RNF182: variants seen among roughly 807,000 people sequenced by gnomAD.
RNF182 encodes the protein ring finger protein 182.
In RNF182, 15 loss-of-function variants were observed where a neutral mutation model predicts 14.4. The ratio of observed to expected loss-of-function variants is 1.04; its 90% CI spans 0.70 to 1.60. RNF182 has a LOEUF of 1.60. Among genes scored for constraint, RNF182 ranks in the 40% most tolerant of loss-of-function variants. The pLI is 0.00. For synonymous variants in RNF182, 128 were observed against 122.9 expected (o/e 1.04, Z -0.27); for missense variants, 268 against 294.8 (o/e 0.91, Z 0.67).
intron 1 of RNF182, among the ~76,000 whole-genome samples, chr6:13,972,364 A>G (rs1406180425): frequency 1.3e-5 from 2 of 152,118 alleles, no homozygotes; most frequent in Admixed American, 6.5e-5. Context: ...TGACGATGCA[A>G]TAGAAAAGAA....
chr6:13,960,186 A>G lies in RNF182; in HGVS notation c.-366-14024A>G, dbSNP rs532554992. On this transcript the variant is annotated intron_variant, in intron 1 of 2. Transcript: ENST00000488300. ...AGAAAAGGATCCATTTGCCTTTACA[A>G]TCAGCCTCTGCTTTCAGGAACCTTG... Among the ~76,000 whole-genome samples the G allele has an allele frequency of 2.0e-4, 30 of 152,344 alleles. No homozygotes were observed. In the South Asian group the frequency reaches 6.2e-3, roughly 32 times the overall value.
Position 13,949,277 on chromosome 6 carries a change from A to C in RNF182, c.-367+24254A>C. The C allele has an allele frequency of 5.1e-6, 4 of 780,300 alleles. No homozygotes were observed. In the South Asian group the frequency reaches 5.4e-5, roughly 10 times the overall value. The allele number at this position is 780,300 out of a possible 1,614,324, so 48.3% of individuals were successfully genotyped here. Reference sequence around the variant, plus strand: ...AGTTGTTTCCTCTGCTCCCAGACTTACCACATCTGTCAGAAACCTGACATG... The same window carrying C: ...AGTTGTTTCCTCTGCTCCCAGACTTCCCACATCTGTCAGAAACCTGACATG... On this transcript the variant is annotated intron_variant, in intron 1 of 2. Coordinates refer to ENST00000488300, the MANE Select transcript of RNF182 (RefSeq NM_152737.4).
rs1042823821 is a variant in RNF182 at position 13,939,380 on chromosome 6, TAAGTA to T, written c.-367+14359_-367+14363del. 1.2e-4 allele frequency among the ~76,000 whole-genome samples: 19 copies of T among 152,102 alleles called. 1 individual carries two copies. Among genetic ancestry groups the T allele is most frequent in the Middle Eastern group, 6.3e-3 (2 of 316 alleles). The stretch of plus-strand genomic sequence containing the variant: ...TTAATTATGTTGTCTTTAATTTCTC[TAAGTA>T]ATGTTTTGAAGTTCTCTCTGTAGTA... On this transcript the variant is annotated intron_variant, in intron 1 of 2. Transcript: ENST00000488300.
At chr6:13,963,991 A>G (rs753532571) in intron 1 of RNF182, among the ~76,000 whole-genome samples, 3 of 152,266 alleles carry the variant, frequency 2.0e-5, no homozygotes, top group Admixed American at 6.5e-5. Context: ...ATATCATGAA[A>G]AAGTGGGGAA....
intron 1 of RNF182, among the ~76,000 whole-genome samples, chr6:13,930,985 T>C (rs1328383147): frequency 6.6e-6 from 1 of 152,220 alleles, no homozygotes; most frequent in African/African-American, 2.4e-5. Context: ...AAGATGCTTT[T>C]GGGATTATGT....
chr6:13,926,267 C>T (rs961733513), intron 1 of RNF182, among the ~76,000 whole-genome samples: 1 of 152,068 alleles, frequency 6.6e-6, no homozygotes, highest in Admixed American at 6.6e-5. Flanking sequence ...AAAACAGTAC[C>T]ACTGATCATT....
chr6:13,925,066 G>GCCC, intron 1 of RNF182, 43 bp downstream of exon 1: 2 of 302 alleles, frequency 6.6e-3, no homozygotes, highest in Admixed American at 0.026. Flanking sequence ...TCGGCGGGAC[G>GCCC]CCGGGCCTCC....
At chr6:13,969,940 C>T (rs2113643377) in intron 1 of RNF182, among the ~76,000 whole-genome samples, 1 of 152,250 alleles carries the variant, frequency 6.6e-6, no homozygotes, top group East Asian at 1.9e-4. Context: ...TCCTCAGTGT[C>T]TGGTGAGACA....
intron 1 of RNF182, among the ~76,000 whole-genome samples, chr6:13,961,809 G>T (rs1399484434): frequency 6.6e-6 from 1 of 152,096 alleles, no homozygotes; most frequent in Non-Finnish European, 1.5e-5. Context: ...TGTTGAGGGA[G>T]GCTTTCTGGA....
intron 2 of RNF182, among the ~76,000 whole-genome samples, chr6:13,974,817 A>T (rs945941526): frequency 1.3e-5 from 2 of 151,648 alleles, no homozygotes; most frequent in Non-Finnish European, 1.5e-5. Flanking sequence ...TTTTTTTCTG[A>T]TGTCTTTATG....
intron 1 of RNF182, among the ~76,000 whole-genome samples, chr6:13,931,905 A>G (rs1259750596): frequency 6.6e-6 from 1 of 152,160 alleles, no homozygotes; most frequent in African/African-American, 2.4e-5. Context: ...GCCCTCATAA[A>G]TAGTATTAGT....
intron 1 of RNF182, among the ~76,000 whole-genome samples, chr6:13,941,243 T>C (rs1350979400): frequency 2.0e-5 from 3 of 152,122 alleles, no homozygotes; most frequent in Admixed American, 2.0e-4. Flanking sequence ...GGATATGTTA[T>C]TGGATATATA....
chr6:13,960,616 T>G (rs1337267177), intron 1 of RNF182, among the ~76,000 whole-genome samples: 2 of 151,690 alleles, frequency 1.3e-5, no homozygotes, highest in East Asian at 3.9e-4. Flanking sequence ...AGCCATGGCT[T>G]TGGGAGTAAT....
chr6:13,954,252 C>T (rs1308220153), intron 1 of RNF182, among the ~76,000 whole-genome samples: 2 of 152,166 alleles, frequency 1.3e-5, no homozygotes, highest in Admixed American at 6.5e-5. Flanking sequence ...AATAATATAA[C>T]TGCAATGTCA....
chr6:13,959,005 G>A (rs548896318), intron 1 of RNF182, among the ~76,000 whole-genome samples: 1 of 152,332 alleles, frequency 6.6e-6, no homozygotes, highest in African/African-American at 2.4e-5. Context: ...ATCTTGCCAT[G>A]TGATCTCTGC....
rs1371303690 is a variant in RNF182 at position 13,955,780 on chromosome 6, G to A, written c.-366-18430G>A. ...TAAAAGTTTTATTAGGCCAGGTACAGTGTGGCTCACACCTGTAATTGCAGC... is the reference window on the plus strand; with the variant it reads ...TAAAAGTTTTATTAGGCCAGGTACAATGTGGCTCACACCTGTAATTGCAGC... On this transcript the variant is annotated intron_variant, in intron 1 of 2. Coordinates refer to ENST00000488300, the MANE Select transcript of RNF182 (RefSeq NM_152737.4). 3.3e-5 allele frequency among the ~76,000 whole-genome samples: 5 copies of A among 152,152 alleles called. No homozygotes were observed. In the East Asian group the frequency reaches 5.8e-4, roughly 18 times the overall value.
At chr6:13,945,050 G>A (rs1326737657) in intron 1 of RNF182, among the ~76,000 whole-genome samples, 1 of 152,160 alleles carries the variant, frequency 6.6e-6, no homozygotes. Flanking sequence ...TCTTAGGGTG[G>A]AAATGCCCTC....
chr6:13,960,701 G>T (rs1298084186), intron 1 of RNF182, among the ~76,000 whole-genome samples: 1 of 151,024 alleles, frequency 6.6e-6, no homozygotes, highest in Non-Finnish European at 1.5e-5. Context: ...GTGCGCGCGT[G>T]CACATGCATG....
In RNF182 at chr6:13,943,722, G is replaced by A. The variant is rs182260947; in HGVS notation, c.-367+18699G>A. Among the ~76,000 whole-genome samples, 268 of 152,238 alleles carry A rather than the reference G, an allele frequency of 1.8e-3. 1 individual carries two copies. Among genetic ancestry groups the A allele is most frequent in the African/African-American group, 6.0e-3 (249 of 41,532 alleles). On this transcript the variant is annotated intron_variant, in intron 1 of 2. Coordinates refer to ENST00000488300, the MANE Select transcript of RNF182 (RefSeq NM_152737.4). ...TGAATAATGTTAAAGTTTTGCAGCC[G>A]ACACTTTTAAAAATGATAAGACATA...
Sources: allele counts gnomAD v4.1 joint callset (sites outside exome capture counted in the v4.1 genomes callset), GRCh38; gene constraint gnomAD v4.1.1; transcripts MANE v1.5; gene names NCBI Gene and HGNC (gene_info 2026-07-23, HGNC 2026-07-21).